Variants in SUCO observed in about 807,000 individuals in gnomAD.
The protein encoded by SUCO is SUN domain-containing ossification factor.
Under a neutral mutation model 148.1 loss-of-function variants are expected in SUCO, and 57 were observed. That is an observed-to-expected ratio of 0.38 (90% CI 0.31 to 0.48). The LOEUF is 0.48. Among genes scored for constraint, SUCO ranks in the 20% least tolerant of loss-of-function variants. The probability of loss-of-function intolerance (pLI) is 0.96; values close to 1 mark genes in which losing one functional copy is unlikely to be tolerated. For missense variants in SUCO, 1,331 were observed against 1,468.2 expected (o/e 0.91, Z 1.53); for synonymous variants, 470 against 502.7 (o/e 0.93, Z 0.87).
intron 2 of SUCO, 163 bp downstream of exon 2, chr1:172,551,789 T>C: frequency 1.8e-6 from 1 of 558,272 alleles, no homozygotes; most frequent in Non-Finnish European, 3.2e-6. Context: ...TTATGACGGC[T>C]CAGAGATATT....
intron 22 of SUCO, among the ~76,000 whole-genome samples, chr1:172,607,052 T>C (rs978698575): frequency 2.0e-5 from 3 of 151,946 alleles, no homozygotes; most frequent in Non-Finnish European, 4.4e-5. Context: ...TTCCTTGTTA[T>C]ATGTTTCCTG....
chr1:172,567,631 G>T (rs1372190557), intron 6 of SUCO, among the ~76,000 whole-genome samples: 2 of 152,134 alleles, frequency 1.3e-5, no homozygotes, highest in South Asian at 2.1e-4. Context: ...TCATTTAATG[G>T]ATATTTAGGT....
chr1:172,582,888 G>A (rs1655972489), intron 15 of SUCO, among the ~76,000 whole-genome samples: 1 of 152,042 alleles, frequency 6.6e-6, no homozygotes, highest in Non-Finnish European at 1.5e-5. Context: ...TTTATTGTAG[G>A]TACTGGTGTT....
At chr1:172,586,156 A>G (rs1303837054) in intron 17 of SUCO, among the ~76,000 whole-genome samples, 1 of 149,712 alleles carries the variant, frequency 6.7e-6, no homozygotes, top group Non-Finnish European at 1.5e-5. Flanking sequence ...ATTCAGATCA[A>G]ACTTTTTTTG....
chr1:172,609,842 A>G lies in SUCO; in HGVS notation c.3348A>G (p.Glu1116=). ...KKKKRCKYKI[E]KIETIKPEEP... ...AGAAGCGCTGCAAGTACAAAATTGAAAAAATTGAGACCATAAAGCCTGAAG... is the reference window on the plus strand; with the variant it reads ...AGAAGCGCTGCAAGTACAAAATTGAGAAAATTGAGACCATAAAGCCTGAAG... The change falls in exon 24 of 24, where the codon GAA becomes GAG. Residue 1116 remains glutamate, a synonymous_variant. Coordinates refer to ENST00000263688, the MANE Select transcript of SUCO (RefSeq NM_014283.5). 6.3e-7 allele frequency: 1 copy of G among 1,596,306 alleles called. No individual in the cohort carries two copies. The highest frequency in any genetic ancestry group is 8.5e-7 in the Non-Finnish European group (1 of 1,175,004).
intron 15 of SUCO, among the ~76,000 whole-genome samples, chr1:172,584,650 G>C (rs1171124228): frequency 6.6e-6 from 1 of 152,124 alleles, no homozygotes; most frequent in Non-Finnish European, 1.5e-5. Context: ...GCATGTGCCT[G>C]TAGTCCCAGC....
At chr1:172,547,572 A>G (rs932917263) in intron 1 of SUCO, among the ~76,000 whole-genome samples, 2 of 152,194 alleles carry the variant, frequency 1.3e-5, no homozygotes, top group African/African-American at 2.4e-5. Flanking sequence ...CAAATCTCAC[A>G]TAAGAACCAT....
intron 2 of SUCO, 158 bp downstream of exon 2, chr1:172,551,784 A>G (rs915173371): frequency 3.5e-6 from 2 of 566,232 alleles, no homozygotes; most frequent in East Asian, 3.0e-5. Flanking sequence ...TTAAATTATG[A>G]CGGCTCAGAG....
chr1:172,542,689 G>A, intron 1 of SUCO: 1 of 978,708 alleles, frequency 1.0e-6, no homozygotes, highest in Middle Eastern at 5.3e-4. Flanking sequence ...CCATGAAACT[G>A]GTCTCTGGTG....
chr1:172,564,830 T>C (rs1654441524), intron 6 of SUCO, among the ~76,000 whole-genome samples: 1 of 152,208 alleles, frequency 6.6e-6, no homozygotes, highest in Non-Finnish European at 1.5e-5. Context: ...ATTCTTTATG[T>C]CTCTCTTTTC....
intron 4 of SUCO, chr1:172,557,045 T>C (rs974582688): frequency 2.1e-6 from 2 of 968,942 alleles, no homozygotes; most frequent in African/African-American, 1.8e-5. Flanking sequence ...ACATTGAGAA[T>C]AAGTAATTTT....
At chr1:172,602,574 T>C in intron 21 of SUCO, 122 bp from the exon 22 acceptor site, 1 of 1,469,176 alleles carries the variant, frequency 6.8e-7, no homozygotes, top group Non-Finnish European at 8.9e-7. Context: ...ATAACTGGAG[T>C]GTTAGAGTTA....
At chr1:172,548,933 A>G (rs1191926232) in intron 1 of SUCO, among the ~76,000 whole-genome samples, 1 of 151,968 alleles carries the variant, frequency 6.6e-6, no homozygotes, top group Non-Finnish European at 1.5e-5. Context: ...AAAATAGACC[A>G]CCATACTTTT....
chr1:172,568,130 C>T (rs182024200), intron 6 of SUCO, among the ~76,000 whole-genome samples: 1 of 152,272 alleles, frequency 6.6e-6, no homozygotes, highest in Non-Finnish European at 1.5e-5. Flanking sequence ...CAGTTCATCC[C>T]AAAACCATCT....
chr1:172,561,702 A>G (rs1404552637), intron 6 of SUCO, among the ~76,000 whole-genome samples: 1 of 152,162 alleles, frequency 6.6e-6, no homozygotes, highest in Admixed American at 6.5e-5. Flanking sequence ...TTCAAGGACC[A>G]ATGAGTACCC....
intron 13 of SUCO, 77 bp downstream of exon 13, chr1:172,577,896 G>A: frequency 1.8e-6 from 2 of 1,134,704 alleles, no homozygotes; most frequent in Middle Eastern, 5.7e-4. Context: ...TTAAAGTGAA[G>A]AAATAATTTT....
chr1:172,570,659 A>C lies in SUCO; in HGVS notation c.982-4A>C, dbSNP rs769940452. The C allele has an allele frequency of 1.9e-6, 3 of 1,570,750 alleles. No homozygotes were observed. The Admixed American group carries it at 5.2e-5, about 27-fold the overall frequency. ...ATTTGTTTCCTTTCCTCTTTTTAAAATAGAGCACATCTGCTATTCTTATAG... is the reference window on the plus strand; with the variant it reads ...ATTTGTTTCCTTTCCTCTTTTTAAACTAGAGCACATCTGCTATTCTTATAG... On this transcript the variant is annotated splice_polypyrimidine_tract_variant and splice_region_variant and intron_variant, in intron 8 of 23. Coordinates refer to ENST00000263688, the MANE Select transcript of SUCO (RefSeq NM_014283.5).
intron 7 of SUCO, 139 bp downstream of exon 7, chr1:172,569,281 G>C: frequency 1.9e-6 from 2 of 1,058,786 alleles, no homozygotes; most frequent in South Asian, 4.8e-5. Context: ...CCAAGTTGCT[G>C]TTGATCCATC....
intron 22 of SUCO, 142 bp from the exon 23 acceptor site, chr1:172,608,605 T>A (rs1441053659): frequency 1.4e-6 from 1 of 708,298 alleles, no homozygotes; most frequent in African/African-American, 1.8e-5. Context: ...AAATATATAG[T>A]TAACCTGATA....
Sources: allele counts gnomAD v4.1 joint callset (sites outside exome capture counted in the v4.1 genomes callset), GRCh38; gene constraint gnomAD v4.1.1; transcripts MANE v1.5; gene names NCBI Gene and HGNC (gene_info 2026-07-23, HGNC 2026-07-21).